Variants in ARHGAP32 observed in about 807,000 individuals in gnomAD.
The protein encoded by ARHGAP32 is rho GTPase-activating protein 32.
Under a neutral mutation model 186.5 loss-of-function variants are expected in ARHGAP32, and 51 were observed. The ratio of observed to expected loss-of-function variants is 0.27; its 90% CI spans 0.22 to 0.35. The LOEUF is 0.35. ARHGAP32 is among the 10% of genes least tolerant of loss of function. ARHGAP32 has a pLI of 1.00. For missense variants in ARHGAP32, 2,186 were observed against 2,623.5 expected (o/e 0.83, Z 3.64); for synonymous variants, 950 against 964.3 (o/e 0.99, Z 0.27).
At chr11:129,222,061 T>C (rs1944719512) in intron 1 of ARHGAP32, among the ~76,000 whole-genome samples, 1 of 152,108 alleles carries the variant, frequency 6.6e-6, no homozygotes, top group African/African-American at 2.4e-5. Flanking sequence ...CTATAGCTAC[T>C]ATTGGAGTTT....
At chr11:129,254,221 C>T (rs1277380515) in intron 1 of ARHGAP32, among the ~76,000 whole-genome samples, 2 of 151,834 alleles carry the variant, frequency 1.3e-5, no homozygotes, top group African/African-American at 4.8e-5. Context: ...TCATTAGTAA[C>T]CTATTTTTAA....
At chr11:129,250,620 C>G (rs1045331667) in intron 1 of ARHGAP32, among the ~76,000 whole-genome samples, 1 of 152,194 alleles carries the variant, frequency 6.6e-6, no homozygotes, top group Non-Finnish European at 1.5e-5. Context: ...TCATTCCAGC[C>G]TCCTCCTACC....
chr11:129,208,662 C>CT (rs1164197380), intron 1 of ARHGAP32, among the ~76,000 whole-genome samples: 10 of 134,956 alleles, frequency 7.4e-5, no homozygotes, highest in Admixed American at 2.8e-4. Context: ...CTGTCATTTT[C>CT]TTTTCTTTTT....
chr11:129,111,519 C>T (rs1324562567), intron 5 of ARHGAP32, among the ~76,000 whole-genome samples: 2 of 152,138 alleles, frequency 1.3e-5, no homozygotes, highest in Admixed American at 1.3e-4. Context: ...GTGAAGCCAT[C>T]CATTCCTGAG....
intron 1 of ARHGAP32, among the ~76,000 whole-genome samples, chr11:129,216,180 T>C (rs1944642029): frequency 6.6e-6 from 1 of 152,128 alleles, no homozygotes; most frequent in Admixed American, 6.5e-5. Context: ...AAGTCTGTGG[T>C]AATTTGTTGC....
At chr11:129,040,534 T>C (rs996616610) in intron 11 of ARHGAP32, among the ~76,000 whole-genome samples, 22 of 152,230 alleles carry the variant, frequency 1.4e-4, no homozygotes, top group Admixed American at 1.3e-3. Flanking sequence ...CTGTTTAAAA[T>C]AGTTTTGATG....
intron 6 of ARHGAP32, among the ~76,000 whole-genome samples, chr11:129,081,067 T>C (rs1056750699): frequency 5.9e-5 from 9 of 151,994 alleles, no homozygotes; most frequent in Admixed American, 3.9e-4. Context: ...CAGGAATAAA[T>C]AGAAACTCTG....
chr11:129,135,576 T>G (rs1942918680), intron 2 of ARHGAP32, among the ~76,000 whole-genome samples: 1 of 152,096 alleles, frequency 6.6e-6, no homozygotes, highest in African/African-American at 2.4e-5. Flanking sequence ...GACCATCCTG[T>G]CTAACACAGT....
In ARHGAP32 at chr11:129,154,221, C is replaced by A. The variant is rs1029158691; in HGVS notation, c.225+10098G>T. On this transcript the variant is annotated intron_variant, in intron 2 of 22. Coordinates refer to ENST00000682385, the MANE Select transcript of ARHGAP32 (RefSeq NM_001378024.1). ...GCAGCAATAGCCATAATTTAAAAAT[C>A]AAAAAATAATAGATGTTGGCATGGA... is the stretch of plus-strand genomic sequence containing the variant. Among the ~76,000 whole-genome samples, 4 of 152,092 alleles carry A rather than the reference C, an allele frequency of 2.6e-5. No individual in the cohort carries two copies. In the East Asian group the frequency reaches 7.7e-4, roughly 29 times the overall value.
At chr11:129,185,788 G>C (rs1026993717) in intron 1 of ARHGAP32, among the ~76,000 whole-genome samples, 1 of 151,790 alleles carries the variant, frequency 6.6e-6, no homozygotes, top group African/African-American at 2.4e-5. Flanking sequence ...GAGGAGAAGA[G>C]AGAACCATGA....
intron 1 of ARHGAP32, among the ~76,000 whole-genome samples, chr11:129,244,922 T>A (rs971475547): frequency 1.3e-5 from 2 of 151,102 alleles, no homozygotes; most frequent in Admixed American, 1.3e-4. Context: ...CCAGTTAGAA[T>A]GGCAATCATT....
At chr11:129,109,684 G>A (rs993794381) in intron 5 of ARHGAP32, among the ~76,000 whole-genome samples, 1 of 152,046 alleles carries the variant, frequency 6.6e-6, no homozygotes, top group Non-Finnish European at 1.5e-5. Flanking sequence ...TAGTGATGTT[G>A]AGTATTTTTC....
intron 10 of ARHGAP32, among the ~76,000 whole-genome samples, chr11:129,045,763 G>A (rs1939780718): frequency 1.3e-5 from 2 of 152,286 alleles, no homozygotes; most frequent in East Asian, 1.9e-4. Context: ...GGCTGGAAAG[G>A]GAGAGCAGAA....
chr11:128,992,149 T>G (rs1227702605), intron 12 of ARHGAP32, among the ~76,000 whole-genome samples: 1 of 152,172 alleles, frequency 6.6e-6, no homozygotes, highest in Non-Finnish European at 1.5e-5. Flanking sequence ...TGGGCCTTGC[T>G]TTTTCCTACT....
chr11:129,277,377 G>A (rs2135737295), intron 1 of ARHGAP32, among the ~76,000 whole-genome samples: 1 of 152,246 alleles, frequency 6.6e-6, no homozygotes, highest in Middle Eastern at 3.4e-3. Context: ...AACATCAAAG[G>A]CTCTAAAGAA....
chr11:129,263,373 ACAACT>A (rs1488500971), intron 1 of ARHGAP32, among the ~76,000 whole-genome samples: 1 of 152,198 alleles, frequency 6.6e-6, no homozygotes, highest in Non-Finnish European at 1.5e-5. Flanking sequence ...AAGAACTCCT[ACAACT>A]CAACAACAAA....
upstream of ARHGAP32, among the ~76,000 whole-genome samples, chr11:129,193,531 A>AAT (rs1214779041): frequency 1.6e-4 from 10 of 64,064 alleles, no homozygotes; most frequent in South Asian, 1.1e-3. Context: ...TAGAGCATAT[A>AAT]ATATATATAT....
chr11:129,056,984 T>C (rs549773650), intron 10 of ARHGAP32, among the ~76,000 whole-genome samples: 1 of 152,194 alleles, frequency 6.6e-6, no homozygotes, highest in East Asian at 1.9e-4. Context: ...TCGTTTCCTT[T>C]ACACTGCTAG....
At chr11:129,196,200 T>A (rs1339377821), upstream of ARHGAP32, among the ~76,000 whole-genome samples, 4 of 152,232 alleles carry the variant, frequency 2.6e-5, no homozygotes, top group Non-Finnish European at 5.9e-5. Flanking sequence ...AAGTGCTGAC[T>A]TTCCTAGTAG....
Sources: gnomAD v4.1 joint callset for allele counts (sites outside exome capture counted in the v4.1 genomes callset) on GRCh38, gnomAD v4.1.1 for gene constraint, MANE v1.5 for transcripts, NCBI Gene and HGNC (gene_info 2026-07-23, HGNC 2026-07-21) for gene names.